GPM6A: variants seen among roughly 807,000 people sequenced by gnomAD.
The protein encoded by GPM6A is neuronal membrane glycoprotein M6-a.
A neutral mutation model predicts 32.1 loss-of-function variants in GPM6A; 7 were observed. The observed-to-expected ratio is 0.22, with a 90% CI of 0.12 to 0.41. The LOEUF (loss-of-function observed/expected upper bound fraction) is 0.41. GPM6A is among the 10% of genes least tolerant of loss of function. The pLI, the probability that GPM6A is intolerant of heterozygous loss-of-function variation, is 1.00. For synonymous variants in GPM6A, 130 were observed against 123.4 expected (o/e 1.05, Z -0.35); for missense variants, 235 against 347.2 (o/e 0.68, Z 2.57).
At chr4:176,002,192 G>T (rs909964914) in intron 1 of GPM6A, 36 of 1,144,816 alleles carry the variant, frequency 3.1e-5, no homozygotes, top group Non-Finnish European at 4.5e-5. Flanking sequence ...AGGCGCGGGG[G>T]GAACAGAGCT....
At chr4:175,839,613 T>TA (rs1735876810) in intron 1 of GPM6A, among the ~76,000 whole-genome samples, 1 of 152,092 alleles carries the variant, frequency 6.6e-6, no homozygotes, top group African/African-American at 2.4e-5. Context: ...ACTTTTTTTT[T>TA]AAAATGAGAA....
At chr4:175,684,939 A>C (rs1743894189) in intron 2 of GPM6A, among the ~76,000 whole-genome samples, 1 of 151,970 alleles carries the variant, frequency 6.6e-6, no homozygotes, top group Non-Finnish European at 1.5e-5. Flanking sequence ...CCCAGGCTGG[A>C]GTACAGTGGT....
At chr4:175,662,945 T>G (rs1345053908) in intron 3 of GPM6A, among the ~76,000 whole-genome samples, 1 of 152,154 alleles carries the variant, frequency 6.6e-6, no homozygotes, top group Non-Finnish European at 1.5e-5. Context: ...TAACTATATA[T>G]AAAATCATTA....
chr4:175,722,717 C>A (rs774221352), intron 1 of GPM6A, among the ~76,000 whole-genome samples: 2 of 152,052 alleles, frequency 1.3e-5, no homozygotes, highest in Non-Finnish European at 2.9e-5. Flanking sequence ...GTATAATTTT[C>A]TTTTTACTAT....
intron 1 of GPM6A, among the ~76,000 whole-genome samples, chr4:175,749,852 G>C (rs1433633459): frequency 6.6e-6 from 1 of 152,114 alleles, no homozygotes; most frequent in Non-Finnish European, 1.5e-5. Flanking sequence ...GCCAGCATGA[G>C]TTGTCAAGAG....
intron 2 of GPM6A, among the ~76,000 whole-genome samples, chr4:175,678,745 T>C (rs114245388): frequency 0.012 from 1,812 of 152,288 alleles, 43 homozygotes; most frequent in African/African-American, 0.041. Context: ...AAATTTGACA[T>C]CAAGAACACT....
At chr4:175,969,337 TATC>T (rs1260735043) in intron 1 of GPM6A, among the ~76,000 whole-genome samples, 1 of 152,138 alleles carries the variant, frequency 6.6e-6, no homozygotes, top group Non-Finnish European at 1.5e-5. Flanking sequence ...AGTAGATAGG[TATC>T]ATCATACATT....
intron 1 of GPM6A, among the ~76,000 whole-genome samples, chr4:175,793,336 G>A (rs1196736168): frequency 4.0e-5 from 6 of 151,254 alleles, no homozygotes; most frequent in Non-Finnish European, 7.4e-5. Flanking sequence ...GGAATAGTCT[G>A]TAAGAGATCC....
intron 1 of GPM6A, among the ~76,000 whole-genome samples, chr4:175,884,245 T>C (rs1319835820): frequency 6.6e-6 from 1 of 152,348 alleles, no homozygotes; most frequent in East Asian, 1.9e-4. Flanking sequence ...CCAACAAGCA[T>C]TGACAAAGAA....
At chr4:175,755,349 TG>T (rs1452230010) in intron 1 of GPM6A, among the ~76,000 whole-genome samples, 1 of 152,166 alleles carries the variant, frequency 6.6e-6, no homozygotes, top group African/African-American at 2.4e-5. Context: ...ATTACATGAA[TG>T]CTACAGAATT....
chr4:175,921,813 A>G (rs761022794), intron 1 of GPM6A, among the ~76,000 whole-genome samples: 52 of 152,162 alleles, frequency 3.4e-4, no homozygotes, highest in Non-Finnish European at 1.0e-4. Flanking sequence ...GGAGTGTACC[A>G]TATTTCCAAA....
At chr4:175,952,223 A>C (rs1739838663) in intron 1 of GPM6A, among the ~76,000 whole-genome samples, 1 of 152,238 alleles carries the variant, frequency 6.6e-6, no homozygotes, top group Non-Finnish European at 1.5e-5. Flanking sequence ...TTGACTCTTG[A>C]GAGTCTTTGA....
chr4:175,904,749 T>C (rs1738077848), intron 1 of GPM6A, among the ~76,000 whole-genome samples: 1 of 152,178 alleles, frequency 6.6e-6, no homozygotes, highest in Non-Finnish European at 1.5e-5. Flanking sequence ...TCCTGAGTGC[T>C]TTTGTCTAAT....
At chr4:175,870,531 C>T (rs1344020959) in intron 1 of GPM6A, among the ~76,000 whole-genome samples, 1 of 152,164 alleles carries the variant, frequency 6.6e-6, no homozygotes, top group Non-Finnish European at 1.5e-5. Flanking sequence ...TTAAAAGCTT[C>T]TTAAGTTTTT....
intron 1 of GPM6A, among the ~76,000 whole-genome samples, chr4:175,967,257 T>G (rs935124698): frequency 2.0e-5 from 3 of 152,106 alleles, no homozygotes; most frequent in Non-Finnish European, 4.4e-5. Context: ...GATAAAAACT[T>G]TCAGCAAACT....
In GPM6A at chr4:175,785,173, C is replaced by T. The variant is rs114942857; in HGVS notation, c.37+27018G>A. The stretch of plus-strand genomic sequence containing the variant: ...AAGATCACTTGCTCTGGGGATGTCC[C>T]CTGACCAAGTCCAATCGCCATGCTA... On this transcript the variant is annotated intron_variant, in intron 1 of 6. Coordinates refer to ENST00000393658, the MANE Select transcript of GPM6A (RefSeq NM_201591.3). Among the ~76,000 whole-genome samples, 565 of 152,266 alleles carry T rather than the reference C, an allele frequency of 3.7e-3. 4 individuals are homozygous for T. Among genetic ancestry groups the T allele is most frequent in the African/African-American group, 0.012 (499 of 41,554 alleles).
chr4:175,836,550 A>T (rs1193406300), intron 1 of GPM6A, among the ~76,000 whole-genome samples: 2 of 152,202 alleles, frequency 1.3e-5, no homozygotes, highest in Non-Finnish European at 1.5e-5. Flanking sequence ...AGTAGGGTAA[A>T]AGTTTTAGAC....
chr4:175,685,446 G>A (rs889011927), intron 2 of GPM6A, among the ~76,000 whole-genome samples: 1 of 151,824 alleles, frequency 6.6e-6, no homozygotes, highest in African/African-American at 2.4e-5. Context: ...TACTTTTTTG[G>A]CTACTATAAA....
intron 2 of GPM6A, among the ~76,000 whole-genome samples, chr4:175,696,777 TCA>T (rs1391796962): frequency 6.6e-6 from 1 of 152,176 alleles, no homozygotes; most frequent in Non-Finnish European, 1.5e-5. Context: ...TGCTATTAAT[TCA>T]CAGTTTTCCC....
Sources: gnomAD v4.1 joint callset for allele counts (sites outside exome capture counted in the v4.1 genomes callset) on GRCh38, gnomAD v4.1.1 for gene constraint, MANE v1.5 for transcripts, NCBI Gene and HGNC (gene_info 2026-07-23, HGNC 2026-07-21) for gene names.